Variants in TIMP3 observed in about 807,000 individuals in gnomAD.
TIMP3 encodes the protein TIMP metallopeptidase inhibitor 3.
A neutral mutation model predicts 30.0 loss-of-function variants in TIMP3; 11 were observed. The observed-to-expected ratio is 0.37, with a 90% CI of 0.23 to 0.61. The LOEUF (loss-of-function observed/expected upper bound fraction) is 0.61. Ranked by LOEUF, TIMP3 falls within the 20% of genes least tolerant of loss-of-function variation. The pLI, the probability that TIMP3 is intolerant of heterozygous loss-of-function variation, is 0.70. For missense variants in TIMP3, 181 were observed against 276.8 expected (o/e 0.65, Z 2.45); for synonymous variants, 112 against 111.3 (o/e 1.01, Z -0.04).
intron 1 of TIMP3, among the ~76,000 whole-genome samples, chr22:32,839,334 CTG>C (rs1322284624): frequency 6.6e-6 from 1 of 152,204 alleles, no homozygotes; most frequent in African/African-American, 2.4e-5. Context: ...GGGAGAAGGA[CTG>C]TGTTTCCCAC....
intron 2 of TIMP3, among the ~76,000 whole-genome samples, chr22:32,851,421 C>T (rs1434271935): frequency 5.3e-5 from 8 of 152,116 alleles, no homozygotes; most frequent in Non-Finnish European, 1.2e-4. Flanking sequence ...TGGTGTCAGA[C>T]CAGCCACGGG....
At chr22:32,814,176 GAA>G (rs1389250675) in intron 1 of TIMP3, among the ~76,000 whole-genome samples, 9 of 38,482 alleles carry the variant, frequency 2.3e-4, no homozygotes, top group South Asian at 7.4e-4. Context: ...GAAAGAGAAA[GAA>G]AGAAAAGAAA....
chr22:32,829,158 T>C (rs1255246355), intron 1 of TIMP3, among the ~76,000 whole-genome samples: 1 of 152,130 alleles, frequency 6.6e-6, no homozygotes, highest in African/African-American at 2.4e-5. Context: ...CGGCACTTCT[T>C]AGCAGCTCCC....
intron 1 of TIMP3, among the ~76,000 whole-genome samples, chr22:32,823,649 A>T (rs541757844): frequency 2.6e-5 from 4 of 152,324 alleles, no homozygotes; most frequent in African/African-American, 4.8e-5. Flanking sequence ...GTCTCTGGAC[A>T]GACAGCATGG....
chr22:32,808,728 T>C (rs1302742648), intron 1 of TIMP3, among the ~76,000 whole-genome samples: 1 of 152,182 alleles, frequency 6.6e-6, no homozygotes, highest in Non-Finnish European at 1.5e-5. Context: ...CTTTCCCTGA[T>C]CACTCCTTGG....
intron 1 of TIMP3, among the ~76,000 whole-genome samples, chr22:32,833,610 G>A (rs6518799): frequency 0.11 from 16,126 of 152,188 alleles, 1,024 homozygotes; most frequent in African/African-American, 0.18. Context: ...CCACTGTGCC[G>A]TAGTTTAACA....
chr22:32,807,386 T>TG (rs1555968148), intron 1 of TIMP3, among the ~76,000 whole-genome samples: 2 of 104,300 alleles, frequency 1.9e-5, no homozygotes, highest in Admixed American at 1.2e-4. Flanking sequence ...ATAATATATA[T>TG]TATATATAAT....
At position 32,861,902 on chromosome 22, in the gene TIMP3, A is replaced by G. The variant is rs2048550754; in HGVS notation, c.*2525A>G. 1 of 152,628 alleles carries G rather than the reference A, an allele frequency of 6.6e-6. No individual in the cohort carries two copies. The highest frequency in any genetic ancestry group is 6.5e-5 in the Admixed American group (1 of 15,286). The allele number at this position is 152,628 out of a possible 1,614,324, so 9.5% of individuals were successfully genotyped here. A position where few individuals can be genotyped will look rare whatever the true frequency, so the allele number is the denominator to read the frequency against. Reference sequence around the variant, plus strand: ...TCTTGTGTCATGTGTAGGCTGTAATATGTGTACATTGTGTTTAAGAGAAAA... The same window carrying G: ...TCTTGTGTCATGTGTAGGCTGTAATGTGTGTACATTGTGTTTAAGAGAAAA... On this transcript the variant is annotated 3_prime_UTR_variant, in exon 5 of 5. Coordinates refer to ENST00000266085, the MANE Select transcript of TIMP3 (RefSeq NM_000362.5).
intron 1 of TIMP3, among the ~76,000 whole-genome samples, chr22:32,815,856 G>A (rs1390223475): frequency 6.6e-6 from 1 of 152,174 alleles, no homozygotes. Context: ...TCACCCCACT[G>A]CATGATGGCA....
rs144961373 is a variant in TIMP3, at chr22:32,822,835, G to A, written c.121+20713G>A. Among the ~76,000 whole-genome samples the A allele has an allele frequency of 5.7e-3, 874 of 152,194 alleles. 10 individuals are homozygous for A. Among genetic ancestry groups the A allele is most frequent in the African/African-American group, 0.018 (757 of 41,528 alleles). ...GGTGAATGAAAGAGTCATAAAAGAT[G>A]TTGAGGTAGTTCTCTATTGATGCCA... On this transcript the variant is annotated intron_variant, in intron 1 of 4. Transcript: ENST00000266085.
At chr22:32,857,751 G>A (rs951344431) in intron 3 of TIMP3, among the ~76,000 whole-genome samples, 8 of 152,340 alleles carry the variant, frequency 5.3e-5, no homozygotes, top group East Asian at 3.9e-4. Context: ...GGAGTGAAGA[G>A]TTGGCCTCTA....
At chr22:32,806,816 G>A (rs752778254) in intron 1 of TIMP3, among the ~76,000 whole-genome samples, 10 of 151,540 alleles carry the variant, frequency 6.6e-5, no homozygotes, top group African/African-American at 1.5e-4. Context: ...ATCTAAAATC[G>A]GAGAAGAGTA....
chr22:32,827,392 A>G (rs982453011), intron 1 of TIMP3, among the ~76,000 whole-genome samples: 29 of 152,334 alleles, frequency 1.9e-4, no homozygotes, highest in East Asian at 1.9e-4. Flanking sequence ...CTTGAAATCT[A>G]TACAGGAACA....
chr22:32,857,475 A>G (rs370989221), intron 3 of TIMP3, 115 bp downstream of exon 3: 114 of 819,098 alleles, frequency 1.4e-4, no homozygotes, highest in East Asian at 8.4e-4. Context: ...AATTGTAAGG[A>G]GTCTCTAATG....
intron 1 of TIMP3, among the ~76,000 whole-genome samples, chr22:32,814,341 G>A (rs938958583): frequency 7.4e-6 from 1 of 135,568 alleles, no homozygotes; most frequent in Admixed American, 7.3e-5. Flanking sequence ...GAAAGAAAGA[G>A]AAAGAAAGAG....
At chr22:32,839,519 C>T (rs2047833838) in intron 1 of TIMP3, among the ~76,000 whole-genome samples, 1 of 152,130 alleles carries the variant, frequency 6.6e-6, no homozygotes, top group Non-Finnish European at 1.5e-5. Flanking sequence ...GTCCTCCCTC[C>T]CCAGGTAAGT....
chr22:32,853,465 A>T (rs564586685), intron 2 of TIMP3, among the ~76,000 whole-genome samples: 1 of 152,330 alleles, frequency 6.6e-6, no homozygotes, highest in South Asian at 2.1e-4. Context: ...AAGGCCAGAC[A>T]TTTCATAAGA....
At chr22:32,858,909 C>T (rs2048455498) in intron 4 of TIMP3, among the ~76,000 whole-genome samples, 1 of 152,198 alleles carries the variant, frequency 6.6e-6, no homozygotes. Context: ...CTGCTACTTA[C>T]TGGCTGTGTG....
chr22:32,835,537 T>G (rs1282425012), intron 1 of TIMP3, among the ~76,000 whole-genome samples: 1 of 152,032 alleles, frequency 6.6e-6, no homozygotes, highest in Non-Finnish European at 1.5e-5. Context: ...GAAGTATGAG[T>G]GGCAGTTGAT....
Sources: gnomAD v4.1 joint callset for allele counts (sites outside exome capture counted in the v4.1 genomes callset) on GRCh38, gnomAD v4.1.1 for gene constraint, MANE v1.5 for transcripts, NCBI Gene and HGNC (gene_info 2026-07-23, HGNC 2026-07-21) for gene names.